The following PROM1 variants were observed in gnomAD, a reference collection of about 807,000 sequenced individuals.
The protein encoded by PROM1 is prominin-1.
PROM1 carries 105 observed loss-of-function variants against 116.9 expected under a neutral mutation model. That is an observed-to-expected ratio of 0.90 (90% CI 0.77 to 1.06). The LOEUF is 1.06. PROM1 is among the 50% of genes least tolerant of loss of function. The pLI is 0.00. For missense variants in PROM1, 1,122 were observed against 1,045.2 expected (o/e 1.07, Z -1.01); for synonymous variants, 393 against 387.0 (o/e 1.02, Z -0.18).
Position 15,979,522 on chromosome 4 carries a change from A to T in PROM1, c.2514-59T>A, listed in dbSNP as rs986931719. 2.6e-6 allele frequency: 4 copies of T among 1,541,284 alleles called. No individual in the cohort carries two copies. In the African/African-American group the frequency reaches 5.5e-5, roughly 21 times the overall value. Reference sequence around the variant, plus strand: ...GTTATCTCTAAGATGAAGTATTTACATCATGGATTACAAAGACAATGTAAT... The same window carrying T: ...GTTATCTCTAAGATGAAGTATTTACTTCATGGATTACAAAGACAATGTAAT... On this transcript the variant is annotated intron_variant, in intron 25 of 27. Coordinates refer to ENST00000447510, the MANE Select transcript of PROM1 (RefSeq NM_006017.3).
At chr4:16,053,906 C>T (rs1441582461) in intron 2 of PROM1, among the ~76,000 whole-genome samples, 1 of 152,100 alleles carries the variant, frequency 6.6e-6, no homozygotes, top group African/African-American at 2.4e-5. Context: ...ACCAGTGTGG[C>T]CAACATGATG....
At chr4:15,979,582 A>G in intron 25 of PROM1, 119 bp from the exon 26 acceptor site, 1 of 1,348,048 alleles carries the variant, frequency 7.4e-7, no homozygotes, top group South Asian at 1.9e-5. Flanking sequence ...TGTTAAATCT[A>G]AAAAAAAGAC....
chr4:15,990,990 T>TCA (rs1415116006), intron 18 of PROM1, among the ~76,000 whole-genome samples: 1 of 152,198 alleles, frequency 6.6e-6, no homozygotes, highest in African/African-American at 2.4e-5. Flanking sequence ...AAAGCAGGTT[T>TCA]CACCTGCCCT....
At chr4:15,988,123 G>A (rs765913086) in intron 19 of PROM1, among the ~76,000 whole-genome samples, 1 of 152,078 alleles carries the variant, frequency 6.6e-6, no homozygotes. Context: ...TGATCCACCC[G>A]CCTCGGCCTC....
chr4:16,022,792 G>A lies in PROM1; in HGVS notation c.784+534C>T, dbSNP rs550771064. Among the ~76,000 whole-genome samples the A allele has an allele frequency of 1.4e-4, 22 of 152,230 alleles. No individual in the cohort carries two copies. In the South Asian group the frequency reaches 4.6e-3, roughly 32 times the overall value. On this transcript the variant is annotated intron_variant, in intron 8 of 27. Coordinates refer to ENST00000447510, the MANE Select transcript of PROM1 (RefSeq NM_006017.3). ...GTCACTTATACCATTGACCATGGAG[G>A]CTTAAGATATATATGTATATTTCTT...
chr4:16,004,524 A>G (rs1429866219), intron 13 of PROM1, among the ~76,000 whole-genome samples: 4 of 152,168 alleles, frequency 2.6e-5, no homozygotes, highest in African/African-American at 9.7e-5. Context: ...TCAAGTAGTT[A>G]AAAAAGATGG....
intron 2 of PROM1, among the ~76,000 whole-genome samples, chr4:16,060,515 A>G (rs890450947): frequency 7.9e-5 from 12 of 152,046 alleles, no homozygotes; most frequent in Non-Finnish European, 1.8e-4. Context: ...GGGTTTCGCC[A>G]TGTTGCCCAG....
chr4:16,054,455 C>G (rs78642798), intron 2 of PROM1, among the ~76,000 whole-genome samples: 1 of 152,214 alleles, frequency 6.6e-6, no homozygotes, highest in African/African-American at 2.4e-5. Flanking sequence ...TCATTACCAG[C>G]GCTCTCTTTT....
At chr4:16,028,088 G>C (rs1731774763) in intron 5 of PROM1, among the ~76,000 whole-genome samples, 1 of 151,908 alleles carries the variant, frequency 6.6e-6, no homozygotes, top group African/African-American at 2.4e-5. Context: ...CACCGACATG[G>C]GATAATCACT....
intron 2 of PROM1, among the ~76,000 whole-genome samples, chr4:16,059,512 T>A (rs570247935): frequency 1.3e-5 from 2 of 152,296 alleles, no homozygotes; most frequent in African/African-American, 4.8e-5. Context: ...GAGACCAGCC[T>A]GGGCAACATG....
At chr4:16,032,598 C>G (rs1732971153) in intron 5 of PROM1, among the ~76,000 whole-genome samples, 2 of 152,150 alleles carry the variant, frequency 1.3e-5, no homozygotes, top group African/African-American at 4.8e-5. Context: ...GGAACAATAA[C>G]CAAGCAACAT....
intron 10 of PROM1, 92 bp downstream of exon 10, chr4:16,016,063 TCTAGAATTTCA>T (rs1728302682): frequency 9.5e-7 from 1 of 1,052,370 alleles, no homozygotes. Context: ...GCAACCTTTC[TCTAGAATTTCA>T]CTGCTTTTTT....
intron 13 of PROM1, among the ~76,000 whole-genome samples, chr4:16,002,017 G>C (rs1015067515): frequency 1.3e-5 from 2 of 152,130 alleles, no homozygotes; most frequent in Non-Finnish European, 2.9e-5. Context: ...CTCTGCTTCT[G>C]GCACTGCAGA....
chr4:15,988,880 T>C (rs549446807), intron 19 of PROM1, among the ~76,000 whole-genome samples: 3 of 152,178 alleles, frequency 2.0e-5, no homozygotes, highest in South Asian at 2.1e-4. Context: ...TGGAAATTAG[T>C]TCTGGGAAGT....
chr4:15,971,312 C>A (rs1352594836), intron 26 of PROM1: 3 of 496,754 alleles, frequency 6.0e-6, no homozygotes, highest in East Asian at 6.0e-5. Context: ...CAGACTATGA[C>A]AAGTAAGAAT....
At chr4:16,058,583 G>C (rs1177369797) in intron 2 of PROM1, among the ~76,000 whole-genome samples, 1 of 151,364 alleles carries the variant, frequency 6.6e-6, no homozygotes, top group African/African-American at 2.4e-5. Flanking sequence ...GGAGGCAGAG[G>C]TTGCAGCGAG....
intron 26 of PROM1, among the ~76,000 whole-genome samples, chr4:15,972,312 A>C (rs1161423534): frequency 2.0e-5 from 3 of 152,206 alleles, no homozygotes; most frequent in African/African-American, 7.2e-5. Flanking sequence ...AAAGAAAAAA[A>C]TATGTTTTTC....
In PROM1 at chr4:16,018,396, T is replaced by G; in HGVS notation, c.929A>C (p.His310Pro). The G allele has an allele frequency of 6.2e-7, 1 of 1,613,908 alleles. No homozygotes were observed. The highest frequency in any genetic ancestry group is 8.5e-7 in the Non-Finnish European group (1 of 1,179,894). The change falls in exon 9 of 28, where the codon CAT becomes CCT. Residue 310 changes from histidine (H) to proline (P), a missense_variant. Transcript: ENST00000447510. The part of the protein sequence containing the change: ...SSLNDPLCLV[H>P]PSSETCNSIR... ...GCTGTTGCAGGTTTCACTTGATGGA[T>G]GCACCAAGCACAGAGGGTCATTGAG...
chr4:16,025,757 C>T (rs1731116957), intron 5 of PROM1, among the ~76,000 whole-genome samples: 1 of 152,148 alleles, frequency 6.6e-6, no homozygotes, highest in Admixed American at 6.5e-5. Context: ...TCCCTGACCC[C>T]CCAAAGAAGG....
Sources: gnomAD v4.1 joint callset for allele counts (sites outside exome capture counted in the v4.1 genomes callset) on GRCh38, gnomAD v4.1.1 for gene constraint, MANE v1.5 for transcripts, NCBI Gene and HGNC (gene_info 2026-07-23, HGNC 2026-07-21) for gene names.